Variants in OTOA observed in about 807,000 individuals in gnomAD.
The protein encoded by OTOA is otoancorin, also known as cancer/testis antigen 108.
Under a neutral mutation model 110.8 loss-of-function variants are expected in OTOA, and 70 were observed. The ratio of observed to expected loss-of-function variants is 0.63; its 90% CI spans 0.52 to 0.77. The LOEUF is 0.77. OTOA is among the 30% of genes least tolerant of loss of function. The pLI is 0.00. For synonymous variants in OTOA, 373 were observed against 431.5 expected, an observed-to-expected ratio of 0.86 and a Z score of 1.68; for missense variants, 917 against 1,075.8, an observed-to-expected ratio of 0.85 and a Z score of 2.06.
chr16:21,696,318 T>C (rs891678705), intron 9 of OTOA, among the ~76,000 whole-genome samples: 1 of 152,014 alleles, frequency 6.6e-6, no homozygotes, highest in Non-Finnish European at 1.5e-5. Context: ...GTGAAGGAGA[T>C]AAGAGAAGGC....
intron 20 of OTOA, 128 bp downstream of exon 20, chr16:21,728,559 T>C (rs1472919660): frequency 8.4e-7 from 1 of 1,184,360 alleles, no homozygotes; most frequent in Non-Finnish European, 1.2e-6. Context: ...ATGCTTATTT[T>C]GGAAATGTGA....
chr16:21,695,891 A>ATTTTT (rs386384450), intron 9 of OTOA, among the ~76,000 whole-genome samples: 87 of 41,880 alleles, frequency 2.1e-3, no homozygotes, highest in African/African-American at 4.4e-3. Context: ...ATATATATAT[A>ATTTTT]TTTTTTTTTT....
chr16:21,750,412 CAAAAAA>C (rs761415597), intron 24 of OTOA, among the ~76,000 whole-genome samples: 445 of 36,376 alleles, frequency 0.012, 6 homozygotes, highest in East Asian at 0.05. Context: ...GACCTTGTCT[CAAAAAA>C]AAAAAAAAAA....
At chr16:21,706,857 T>TA in intron 12 of OTOA, among the ~76,000 whole-genome samples, 1 of 150,196 alleles carries the variant, frequency 6.7e-6, no homozygotes, top group South Asian at 2.1e-4. Flanking sequence ...CATTTTTTTT[T>TA]TTTTTTGAGT....
intron 10 of OTOA, among the ~76,000 whole-genome samples, chr16:21,699,981 C>G (rs1248215514): frequency 6.6e-6 from 1 of 151,188 alleles, no homozygotes; most frequent in East Asian, 1.9e-4. Flanking sequence ...GAGTCAGTGT[C>G]CCCCCAAAAT....
chr16:21,760,192 C>T (rs1255770140), intron 28 of OTOA, among the ~76,000 whole-genome samples: 2 of 151,914 alleles, frequency 1.3e-5, no homozygotes, highest in Admixed American at 6.6e-5. Flanking sequence ...ATTCCTGGGT[C>T]TCCTGGCAGA....
intron 1 of OTOA, among the ~76,000 whole-genome samples, chr16:21,674,324 T>C (rs1035405024): frequency 1.3e-5 from 2 of 152,148 alleles, no homozygotes; most frequent in Non-Finnish European, 2.9e-5. Context: ...TATTTATTTA[T>C]TTTTGAGTTG....
intron 22 of OTOA, among the ~76,000 whole-genome samples, chr16:21,737,962 C>G (rs1256827311): frequency 3.5e-4 from 53 of 152,376 alleles, no homozygotes; most frequent in Middle Eastern, 6.9e-3. Context: ...ATTCGTTAAG[C>G]ACCAATTTTG....
intron 5 of OTOA, among the ~76,000 whole-genome samples, chr16:21,680,234 C>A (rs546269947): frequency 6.7e-6 from 1 of 149,318 alleles, no homozygotes; most frequent in South Asian, 2.1e-4. Flanking sequence ...AGATTACAGG[C>A]CGGGCGCGGT....
chr16:21,681,633 C>A lies in OTOA; in HGVS notation c.180-105C>A, dbSNP rs556111128. The A allele has an allele frequency of 3.6e-5, 32 of 882,250 alleles. No homozygotes were observed. The East Asian group carries it at 4.5e-4, about 12-fold the overall frequency. 54.7% of individuals were successfully genotyped at this position (882,250 alleles called of 1,614,324 possible). A position where few individuals can be genotyped will look rare whatever the true frequency, so the allele number is the denominator to read the frequency against. ...CCCACTTCCAAGTACAAAGTCCTAACACCCCTGGTCCATCCCTACCTGTCC... is the reference window on the plus strand; with the variant it reads ...CCCACTTCCAAGTACAAAGTCCTAAAACCCCTGGTCCATCCCTACCTGTCC... On this transcript the variant is annotated intron_variant, in intron 5 of 28. Transcript: ENST00000646100.
chr16:21,707,311 A>G (rs1898195864), intron 12 of OTOA, among the ~76,000 whole-genome samples: 1 of 151,956 alleles, frequency 6.6e-6, no homozygotes, highest in Non-Finnish European at 1.5e-5. Flanking sequence ...ATTAGATACG[A>G]GGGAGCCCTT....
At chr16:21,728,124 C>T in intron 19 of OTOA, 117 bp from the exon 20 acceptor site, 5 of 1,316,804 alleles carry the variant, frequency 3.8e-6, no homozygotes, top group Non-Finnish European at 5.4e-6. Flanking sequence ...CTCGGCCTCC[C>T]AGAGTGCTGG....
At chr16:21,729,326 C>A (rs1899033734) in intron 20 of OTOA, among the ~76,000 whole-genome samples, 1 of 152,154 alleles carries the variant, frequency 6.6e-6, no homozygotes, top group South Asian at 2.1e-4. Context: ...TATGGGCCAC[C>A]ATGCCTGACC....
intron 21 of OTOA, among the ~76,000 whole-genome samples, chr16:21,732,363 G>A (rs1164902973): frequency 6.6e-6 from 1 of 152,036 alleles, no homozygotes; most frequent in African/African-American, 2.4e-5. Context: ...ATAAGGTATT[G>A]GGGTACAGGT....
intron 11 of OTOA, among the ~76,000 whole-genome samples, chr16:21,702,595 A>T (rs914112828): frequency 1.3e-5 from 2 of 152,202 alleles, no homozygotes; most frequent in Non-Finnish European, 2.9e-5. Context: ...GGGAGATAAA[A>T]ATATGCCTAC....
intron 5 of OTOA, 147 bp downstream of exon 5, chr16:21,679,358 CT>C: frequency 1.0e-6 from 1 of 963,026 alleles, no homozygotes; most frequent in Non-Finnish European, 1.6e-6. Context: ...AACAAACACC[CT>C]TGCTCCACGG....
rs192555612 is a variant in OTOA at position 21,721,946 on chromosome 16, G to A, written c.1807-959G>A. Among the ~76,000 whole-genome samples, 12 of 151,804 alleles carry A rather than the reference G, an allele frequency of 7.9e-5. No homozygotes were observed. In the East Asian group the frequency reaches 2.3e-3, roughly 29 times the overall value. On this transcript the variant is annotated intron_variant, in intron 17 of 28. Transcript: ENST00000646100. Reference sequence around the variant, plus strand: ...GTAATATAAAAACCACAAGTGGGCCGGGCACAGTGGCTCACGCCAGTAATC... The same window carrying A: ...GTAATATAAAAACCACAAGTGGGCCAGGCACAGTGGCTCACGCCAGTAATC...
chr16:21,673,269 T>C (rs1227392512), intron 1 of OTOA, among the ~76,000 whole-genome samples: 2 of 152,212 alleles, frequency 1.3e-5, no homozygotes, highest in African/African-American at 2.4e-5. Context: ...AATAGTACCA[T>C]ATAAAATTCA....
At chr16:21,712,529 C>T (rs1198576054) in intron 13 of OTOA, among the ~76,000 whole-genome samples, 4 of 151,568 alleles carry the variant, frequency 2.6e-5, no homozygotes, top group African/African-American at 9.7e-5. Flanking sequence ...AGCAAAATAC[C>T]ACAGTGTCTC....
Sources: allele counts gnomAD v4.1 joint callset (sites outside exome capture counted in the v4.1 genomes callset), GRCh38; gene constraint gnomAD v4.1.1; transcripts MANE v1.5; gene names NCBI Gene and HGNC (gene_info 2026-07-23, HGNC 2026-07-21).